Variants in TENM3 observed in about 807,000 individuals in gnomAD.
TENM3 encodes the protein teneurin-3.
In TENM3, 63 loss-of-function variants were observed where a neutral mutation model predicts 255.1. That is an observed-to-expected ratio of 0.25 (90% CI 0.20 to 0.30). TENM3 has a LOEUF of 0.30. Ranked by LOEUF, TENM3 falls within the 10% of genes least tolerant of loss-of-function variation. TENM3 has a pLI of 1.00. For synonymous variants in TENM3, 1,306 were observed against 1,322.3 expected (o/e 0.99, Z 0.27); for missense variants, 2,929 against 3,461.1 (o/e 0.85, Z 3.86).
chr4:181,486,459 G>C, the TENM3 span, among the ~76,000 whole-genome samples: 1 of 152,274 alleles, frequency 6.6e-6, no homozygotes, highest in Non-Finnish European at 1.5e-5. Flanking sequence ...ATTTAAAAGT[G>C]TATATGATCA....
At chr4:182,355,711 A>T (rs1396858040) in intron 3 of TENM3, among the ~76,000 whole-genome samples, 1 of 152,146 alleles carries the variant, frequency 6.6e-6, no homozygotes, top group East Asian at 1.9e-4. Context: ...TCAAGATTTG[A>T]TGATTAATTG....
At chr4:181,888,923 GC>G in the TENM3 span, among the ~76,000 whole-genome samples, 1 of 151,638 alleles carries the variant, frequency 6.6e-6, no homozygotes, top group Non-Finnish European at 1.5e-5. Context: ...ATTAGTAGAC[GC>G]CCACCCTCAC....
At chr4:181,459,020 AAT>A in the TENM3 span, among the ~76,000 whole-genome samples, 3 of 151,884 alleles carry the variant, frequency 2.0e-5, no homozygotes, top group Non-Finnish European at 4.4e-5. Context: ...TTGAATGAGG[AAT>A]ATATGAGATT....
At chr4:182,226,712 C>T (rs1756180599) in intron 1 of TENM3, among the ~76,000 whole-genome samples, 1 of 152,090 alleles carries the variant, frequency 6.6e-6, no homozygotes. Context: ...AGACCATACC[C>T]AGTCATTACT....
chr4:181,945,599 G>A, the TENM3 span, among the ~76,000 whole-genome samples: 12 of 151,818 alleles, frequency 7.9e-5, no homozygotes, highest in African/African-American at 2.7e-4. Flanking sequence ...ATGAGGTTGG[G>A]GCACCTCCAA....
At chr4:181,877,343 G>A in the TENM3 span, among the ~76,000 whole-genome samples, 1 of 151,986 alleles carries the variant, frequency 6.6e-6, no homozygotes, top group Non-Finnish European at 1.5e-5. Context: ...AACTTAGGTT[G>A]GATATAAAAA....
intron 3 of TENM3, among the ~76,000 whole-genome samples, chr4:182,465,381 C>T (rs1034451574): frequency 5.3e-5 from 8 of 152,154 alleles, no homozygotes; most frequent in East Asian, 1.9e-4. Context: ...TCCTTTGCCC[C>T]GGCTGCTGTG....
the TENM3 span, among the ~76,000 whole-genome samples, chr4:181,692,037 C>A: frequency 1.3e-5 from 2 of 152,166 alleles, no homozygotes; most frequent in East Asian, 3.9e-4. Context: ...GTCATAAATC[C>A]AGGTATTTAG....
chr4:181,852,602 C>A, the TENM3 span, among the ~76,000 whole-genome samples: 119,521 of 152,184 alleles, frequency 0.79, 48,563 homozygotes, highest in Non-Finnish European at 0.89. Flanking sequence ...AGATAAATGT[C>A]AGTTATTCCT....
At chr4:181,574,387 C>T in the TENM3 span, among the ~76,000 whole-genome samples, 14 of 151,778 alleles carry the variant, frequency 9.2e-5, no homozygotes, top group Non-Finnish European at 1.6e-4. Flanking sequence ...AAAAATTAGC[C>T]GGGCGCGGTG....
At chr4:182,238,673 G>C (rs1277843221), upstream of TENM3, among the ~76,000 whole-genome samples, 1 of 152,196 alleles carries the variant, frequency 6.6e-6, no homozygotes, top group Non-Finnish European at 1.5e-5. Context: ...ATGTTTCCCT[G>C]ACTGTCGGTG....
At chr4:182,352,227 T>G (rs2150711270) in intron 3 of TENM3, among the ~76,000 whole-genome samples, 1 of 152,258 alleles carries the variant, frequency 6.6e-6, no homozygotes, top group East Asian at 1.9e-4. Context: ...CTGGAATTTC[T>G]GTCACCATTT....
the TENM3 span, among the ~76,000 whole-genome samples, chr4:182,073,707 T>C: frequency 6.6e-6 from 1 of 152,152 alleles, no homozygotes; most frequent in Non-Finnish European, 1.5e-5. Context: ...TCCACACTTT[T>C]TTCCACTTCA....
the TENM3 span, among the ~76,000 whole-genome samples, chr4:181,588,820 AGACC>A: frequency 1.3e-5 from 2 of 152,226 alleles, no homozygotes; most frequent in Non-Finnish European, 2.9e-5. Flanking sequence ...ATTATTCAGT[AGACC>A]ATATCCTGTG....
chr4:182,329,304 G>A (rs141920506), intron 2 of TENM3, among the ~76,000 whole-genome samples: 16 of 152,318 alleles, frequency 1.1e-4, no homozygotes, highest in East Asian at 3.9e-4. Flanking sequence ...TGGTTCCAGA[G>A]AGAGGCTGAC....
At chr4:181,515,321 G>A in the TENM3 span, among the ~76,000 whole-genome samples, 1 of 152,090 alleles carries the variant, frequency 6.6e-6, no homozygotes, top group Non-Finnish European at 1.5e-5. Context: ...TTCATTTCTT[G>A]CATTAGAGTT....
chr4:182,579,560 A>T (rs979950803), intron 3 of TENM3, among the ~76,000 whole-genome samples: 3 of 152,186 alleles, frequency 2.0e-5, no homozygotes, highest in Non-Finnish European at 2.9e-5. Flanking sequence ...TAAAACGAGG[A>T]TGATACATTT....
intron 3 of TENM3, among the ~76,000 whole-genome samples, chr4:182,422,522 T>C (rs1466184618): frequency 6.6e-6 from 1 of 152,200 alleles, no homozygotes; most frequent in African/African-American, 2.4e-5. Flanking sequence ...CTGCAAATTA[T>C]GAAGTGTAAA....
intron 3 of TENM3, chr4:182,449,035 G>C (rs937594292): frequency 2.6e-6 from 1 of 385,542 alleles, no homozygotes; most frequent in South Asian, 1.7e-5. Context: ...CAACTTGGCA[G>C]CGCTGGGCTC....
Sources: allele counts gnomAD v4.1 joint callset (sites outside exome capture counted in the v4.1 genomes callset), GRCh38; gene constraint gnomAD v4.1.1; transcripts MANE v1.5; gene names NCBI Gene and HGNC (gene_info 2026-07-23, HGNC 2026-07-21).